HPSE2: variants seen among roughly 807,000 people sequenced by gnomAD.
The protein encoded by HPSE2 is heparanase 2 (inactive), also known as inactive heparanase-2.
A neutral mutation model predicts 60.5 loss-of-function variants in HPSE2; 38 were observed. The observed-to-expected ratio is 0.63, with a 90% CI of 0.48 to 0.82. HPSE2 has a LOEUF of 0.82. HPSE2 is among the 40% of genes least tolerant of loss of function. HPSE2 has a pLI of 0.00. For missense variants in HPSE2, 713 were observed against 740.4 expected (o/e 0.96, Z 0.43); for synonymous variants, 295 against 293.2 (o/e 1.01, Z -0.06).
intron 3 of HPSE2, among the ~76,000 whole-genome samples, chr10:98,772,446 T>C (rs1950261502): frequency 6.6e-6 from 1 of 152,146 alleles, no homozygotes; most frequent in African/African-American, 2.4e-5. Flanking sequence ...GCCAGGACTT[T>C]AGGAGGGGTG....
chr10:98,684,983 G>C (rs2134146266), intron 6 of HPSE2, among the ~76,000 whole-genome samples: 1 of 152,100 alleles, frequency 6.6e-6, no homozygotes, highest in South Asian at 2.1e-4. Flanking sequence ...ATTTGTTTAG[G>C]TGTAATAGGT....
At chr10:98,837,131 T>C (rs1951808579) in intron 3 of HPSE2, among the ~76,000 whole-genome samples, 1 of 152,222 alleles carries the variant, frequency 6.6e-6, no homozygotes, top group South Asian at 2.1e-4. Context: ...AATACCTAGA[T>C]TGGATTGTGA....
intron 3 of HPSE2, among the ~76,000 whole-genome samples, chr10:99,064,629 C>T (rs950783687): frequency 6.7e-5 from 10 of 149,392 alleles, no homozygotes; most frequent in East Asian, 3.9e-4. Flanking sequence ...ATATATCTCC[C>T]GTAATTTTCC....
At chr10:99,313,852 G>A in the HPSE2 span, among the ~76,000 whole-genome samples, 7 of 151,578 alleles carry the variant, frequency 4.6e-5, no homozygotes, top group East Asian at 5.8e-4. Flanking sequence ...TGCCGGCCTC[G>A]ACCTCCCAAA....
chr10:98,477,677 G>A (rs1004691938), intron 11 of HPSE2, among the ~76,000 whole-genome samples: 3 of 152,210 alleles, frequency 2.0e-5, no homozygotes, highest in Non-Finnish European at 4.4e-5. Flanking sequence ...TTGTGAGGCC[G>A]AACTTCATGT....
In HPSE2 at chr10:98,512,812, A is replaced by AACACACACACACACACACACACAC. The variant is rs71007394; in HGVS notation, c.1321-22640_1321-22617dup. On this transcript the variant is annotated intron_variant, in intron 9 of 11. Transcript: ENST00000370552. ...CAGACCCATTCCACTCCCACCCCCC[A>AACACACACACACACACACACACAC]ACACACACACACACACACACACACA... Among the ~76,000 whole-genome samples, 472 of 124,614 alleles carry AACACACACACACACACACACACAC rather than the reference A, an allele frequency of 3.8e-3. 11 individuals carry two copies. The highest frequency in any genetic ancestry group is 4.1e-3 in the Non-Finnish European group (246 of 59,352). The allele number at this position is 124,614 out of a possible 152,430, so 81.8% of individuals were successfully genotyped here. A position where few individuals can be genotyped will look rare whatever the true frequency, so the allele number is the denominator to read the frequency against.
intron 2 of HPSE2, among the ~76,000 whole-genome samples, chr10:99,158,500 A>G (rs1234248798): frequency 7.5e-6 from 1 of 133,656 alleles, no homozygotes; most frequent in African/African-American, 2.7e-5. Flanking sequence ...AACTATCGCA[A>G]GAACAAAAAA....
chr10:99,259,308 C>CAAAAAA, the HPSE2 span, among the ~76,000 whole-genome samples: 1 of 134,230 alleles, frequency 7.4e-6, no homozygotes, highest in Non-Finnish European at 1.6e-5. Context: ...CCCCCCCCAC[C>CAAAAAA]AAAAAAAAAA....
chr10:99,304,189 G>C, the HPSE2 span, among the ~76,000 whole-genome samples: 1 of 152,200 alleles, frequency 6.6e-6, no homozygotes, highest in Non-Finnish European at 1.5e-5. Context: ...AACAGGGCCA[G>C]AGCAAAAGCA....
chr10:98,843,612 C>T (rs1420813676), intron 3 of HPSE2, among the ~76,000 whole-genome samples: 2 of 152,180 alleles, frequency 1.3e-5, no homozygotes, highest in Non-Finnish European at 2.9e-5. Flanking sequence ...AATTCCCTAA[C>T]CTACTTCCTG....
In HPSE2 at chr10:98,744,031, G is replaced by T; in HGVS notation, c.636C>A (p.Asn212Lys). The change falls in exon 4 of 12, where the codon AAC becomes AAA. Residue 212 changes from asparagine (N) to lysine (K), a missense_variant. Physicochemically the swap from Asn to Lys is moderately conservative, Grantham distance 94 (BLOSUM62 0). Coordinates refer to ENST00000370552, the MANE Select transcript of HPSE2 (RefSeq NM_021828.5). ...GGTGGAGTCCAGAGCAATCAGCAAA[G>T]TTATAAAGTTTGTCTAGAGACCTGG... ...LTARSLDKLY[N>K]FADCSGLHLI... The T allele has an allele frequency of 6.2e-7, 1 of 1,614,084 alleles. No homozygotes were observed. Among genetic ancestry groups the T allele is most frequent in the Non-Finnish European group, 8.5e-7 (1 of 1,179,980 alleles).
At chr10:99,107,809 G>A (rs369885741) in intron 3 of HPSE2, among the ~76,000 whole-genome samples, 3 of 152,194 alleles carry the variant, frequency 2.0e-5, no homozygotes, top group East Asian at 1.9e-4. Flanking sequence ...CCAGGTACAC[G>A]CTCATTTAGT....
At chr10:98,600,391 T>C (rs533757931) in intron 9 of HPSE2, among the ~76,000 whole-genome samples, 1 of 152,294 alleles carries the variant, frequency 6.6e-6, no homozygotes, top group Admixed American at 6.5e-5. Flanking sequence ...GAAAGACAGC[T>C]TGAGTTTTGT....
At chr10:98,843,925 A>C (rs1461826674) in intron 3 of HPSE2, among the ~76,000 whole-genome samples, 1 of 152,208 alleles carries the variant, frequency 6.6e-6, no homozygotes, top group African/African-American at 2.4e-5. Context: ...GAAACTGTTG[A>C]TATATTGCTT....
At chr10:98,604,630 C>T (rs976516229) in intron 9 of HPSE2, among the ~76,000 whole-genome samples, 6 of 152,100 alleles carry the variant, frequency 3.9e-5, no homozygotes, top group African/African-American at 9.7e-5. Context: ...AAAAGACAGT[C>T]GTAAGTACTA....
At chr10:99,075,166 A>G (rs567358387) in intron 3 of HPSE2, among the ~76,000 whole-genome samples, 5 of 152,056 alleles carry the variant, frequency 3.3e-5, no homozygotes, top group Non-Finnish European at 5.9e-5. Context: ...GACATTTATC[A>G]CTATCAACTT....
the HPSE2 span, among the ~76,000 whole-genome samples, chr10:99,243,978 GAC>G: frequency 6.6e-6 from 1 of 152,076 alleles, no homozygotes; most frequent in East Asian, 1.9e-4. Context: ...GAGATTAATG[GAC>G]CTGTAATAAA....
chr10:98,627,160 T>C lies in HPSE2; in HGVS notation c.1099-6452A>G, dbSNP rs556776494. Among the ~76,000 whole-genome samples, 6 of 152,340 alleles carry C rather than the reference T, an allele frequency of 3.9e-5. 1 individual carries two copies. The East Asian group carries it at 7.7e-4, about 20-fold the overall frequency. On this transcript the variant is annotated intron_variant, in intron 7 of 11. Transcript: ENST00000370552. ...GAAAACGGTTGGATTTATAAAATAC[T>C]GTGTCTACAAGACCCTTCAAGGACA...
At chr10:98,626,105 CAA>C (rs577298322) in intron 7 of HPSE2, among the ~76,000 whole-genome samples, 6 of 75,526 alleles carry the variant, frequency 7.9e-5, no homozygotes, top group Admixed American at 1.6e-4. Flanking sequence ...GACTCCGTCT[CAA>C]AAAAAAAAAA....
Sources: allele counts gnomAD v4.1 joint callset (sites outside exome capture counted in the v4.1 genomes callset), GRCh38; gene constraint gnomAD v4.1.1; transcripts MANE v1.5; gene names NCBI Gene and HGNC (gene_info 2026-07-23, HGNC 2026-07-21).